Variants in PLEKHA7 observed in about 807,000 individuals in gnomAD.
PLEKHA7 encodes pleckstrin homology domain-containing family A member 7.
PLEKHA7 carries 104 observed loss-of-function variants against 170.0 expected under a neutral mutation model. That is an observed-to-expected ratio of 0.61 (90% CI 0.52 to 0.72). The LOEUF (loss-of-function observed/expected upper bound fraction) is 0.72. Ranked by LOEUF, PLEKHA7 falls within the 30% of genes least tolerant of loss-of-function variation. The pLI is 0.00. For synonymous variants in PLEKHA7, 648 were observed against 660.8 expected (o/e 0.98, Z 0.30); for missense variants, 1,615 against 1,671.7 (o/e 0.97, Z 0.59).
At chr11:16,894,236 TCTCA>T (rs1856858624) in intron 3 of PLEKHA7, among the ~76,000 whole-genome samples, 1 of 152,152 alleles carries the variant, frequency 6.6e-6, no homozygotes, top group African/African-American at 2.4e-5. Flanking sequence ...AGGGAGGGGC[TCTCA>T]CTATCTCACT....
intron 17 of PLEKHA7, among the ~76,000 whole-genome samples, chr11:16,796,711 C>T (rs1848255032): frequency 6.6e-6 from 1 of 152,154 alleles, no homozygotes; most frequent in Non-Finnish European, 1.5e-5. Flanking sequence ...GGTTGAAGTG[C>T]AGTGGTATGA....
In PLEKHA7 at chr11:16,826,457, C is replaced by T. The variant is rs763048339; in HGVS notation, c.1006G>A (p.Glu336Lys). 9.3e-6 allele frequency: 15 copies of T among 1,614,212 alleles called. No homozygotes were observed. Among genetic ancestry groups the T allele is most frequent in the East Asian group, 8.9e-5 (4 of 44,882 alleles). Residue 336 changes from glutamate to lysine, a missense_variant, in exon 10 of 27, where the codon GAG becomes AAG. Coordinates refer to ENST00000531066, the MANE Select transcript of PLEKHA7 (RefSeq NM_001329630.2). ...TGCTCTCCCTCCTGCTCCTGCCTCT[C>T]GAAGTTGACAATGTCATCATGGCCA... ...HRGHDDIVNF[E>K]RQEQEGEQYR...
At chr11:16,945,665 A>AG (rs1454929452) in intron 3 of PLEKHA7, among the ~76,000 whole-genome samples, 2 of 152,246 alleles carry the variant, frequency 1.3e-5, no homozygotes, top group African/African-American at 4.8e-5. Flanking sequence ...ACTTTGATCC[A>AG]GGAATATCTG....
At chr11:16,896,073 G>A (rs940787990) in intron 3 of PLEKHA7, among the ~76,000 whole-genome samples, 1 of 152,158 alleles carries the variant, frequency 6.6e-6, no homozygotes. Context: ...CCCCAGGAAA[G>A]CTCCTGCCCT....
chr11:16,978,722 A>G (rs1449278267), intron 3 of PLEKHA7, among the ~76,000 whole-genome samples: 3 of 152,196 alleles, frequency 2.0e-5, no homozygotes, highest in Non-Finnish European at 4.4e-5. Context: ...CAACTTGTCT[A>G]CTTACTACCC....
At chr11:16,996,231 G>C (rs1421674006) in intron 3 of PLEKHA7, among the ~76,000 whole-genome samples, 1 of 152,220 alleles carries the variant, frequency 6.6e-6, no homozygotes, top group Non-Finnish European at 1.5e-5. Flanking sequence ...ACCTGGCAGA[G>C]TTCCATAGCC....
At chr11:16,994,478 G>A (rs1864224501) in intron 3 of PLEKHA7, among the ~76,000 whole-genome samples, 1 of 152,124 alleles carries the variant, frequency 6.6e-6, no homozygotes, top group Non-Finnish European at 1.5e-5. Context: ...TCTCACTGGT[G>A]CCAACCTATG....
chr11:16,863,672 A>C (rs1854158612), intron 4 of PLEKHA7, among the ~76,000 whole-genome samples: 1 of 152,106 alleles, frequency 6.6e-6, no homozygotes. Context: ...GGCATTCGTC[A>C]GTGGCTCCCT....
intron 3 of PLEKHA7, among the ~76,000 whole-genome samples, chr11:16,897,249 G>C (rs10766356): frequency 6.6e-6 from 1 of 151,852 alleles, no homozygotes; most frequent in Non-Finnish European, 1.5e-5. Flanking sequence ...GTTCTTTGTC[G>C]TAATACCACT....
chr11:16,870,547 T>C (rs1339389789), intron 4 of PLEKHA7, among the ~76,000 whole-genome samples: 2 of 151,218 alleles, frequency 1.3e-5, no homozygotes, highest in Non-Finnish European at 2.9e-5. Flanking sequence ...GAGGACTGCT[T>C]GAGCCCAGGG....
At chr11:16,838,541 AAT>A (rs1564989763) in intron 9 of PLEKHA7, among the ~76,000 whole-genome samples, 2 of 151,740 alleles carry the variant, frequency 1.3e-5, no homozygotes, top group Non-Finnish European at 2.9e-5. Flanking sequence ...AGTGGAAATA[AAT>A]ATAAAAGATC....
At chr11:16,814,041 T>C (rs1032707277) in intron 12 of PLEKHA7, among the ~76,000 whole-genome samples, 2 of 152,154 alleles carry the variant, frequency 1.3e-5, no homozygotes, top group Non-Finnish European at 2.9e-5. Context: ...CAGGTGGCCT[T>C]TGCTTACAGC....
chr11:16,952,513 C>G (rs1861468214), intron 3 of PLEKHA7, among the ~76,000 whole-genome samples: 1 of 151,970 alleles, frequency 6.6e-6, no homozygotes, highest in African/African-American at 2.4e-5. Context: ...GTCAGAGTTT[C>G]TATCATTTGC....
At chr11:16,878,253 A>G (rs886845110) in intron 3 of PLEKHA7, among the ~76,000 whole-genome samples, 2 of 152,150 alleles carry the variant, frequency 1.3e-5, no homozygotes, top group Non-Finnish European at 2.9e-5. Flanking sequence ...TAGATACTGC[A>G]ACAGCCTCCT....
At chr11:16,782,710 A>C (rs187746730) in intron 26 of PLEKHA7, 44 bp downstream of exon 26, 1 of 1,531,446 alleles carries the variant, frequency 6.5e-7, no homozygotes, top group African/African-American at 1.4e-5. Flanking sequence ...CCACAGGTGC[A>C]GTGGGGCAGG....
chr11:16,916,568 G>T (rs1384368637), intron 3 of PLEKHA7, among the ~76,000 whole-genome samples: 1 of 152,168 alleles, frequency 6.6e-6, no homozygotes, highest in Non-Finnish European at 1.5e-5. Context: ...AAAAAGCCAC[G>T]GCAGTGCCTG....
In PLEKHA7 at chr11:16,924,754, G is replaced by A. The variant is rs1469628961; in HGVS notation, c.222-53572C>T. Among the ~76,000 whole-genome samples, 6 of 152,168 alleles carry A rather than the reference G, an allele frequency of 3.9e-5. No individual in the cohort carries two copies. The South Asian group carries it at 1.0e-3, about 26-fold the overall frequency. ...TGCCTTGCCAAAGCCAAAAAAGAAA[G>A]GGGGAGGCCTGCAACCCACCAATCT... On this transcript the variant is annotated intron_variant, in intron 3 of 26. Transcript: ENST00000531066.
rs377448992 is a variant in PLEKHA7, at chr11:16,826,613, A to G, written c.873-23T>C. The G allele has an allele frequency of 5.0e-6, 8 of 1,590,446 alleles. No individual in the cohort carries two copies. In the African/African-American group the frequency reaches 8.0e-5, roughly 16 times the overall value. On this transcript the variant is annotated intron_variant, in intron 9 of 26. Coordinates refer to ENST00000531066, the MANE Select transcript of PLEKHA7 (RefSeq NM_001329630.2). ...TCCCTGCAATGACAGCAGCACATTC[A>G]GTTTGCTCCACAGCCAAGACTCCAT...
intron 3 of PLEKHA7, among the ~76,000 whole-genome samples, chr11:16,968,312 C>T (rs1476602284): frequency 1.3e-5 from 2 of 152,216 alleles, no homozygotes; most frequent in South Asian, 2.1e-4. Flanking sequence ...GACTCATGCA[C>T]AGCACACACG....
Sources: gnomAD v4.1 joint callset for allele counts (sites outside exome capture counted in the v4.1 genomes callset) on GRCh38, gnomAD v4.1.1 for gene constraint, MANE v1.5 for transcripts, NCBI Gene and HGNC (gene_info 2026-07-23, HGNC 2026-07-21) for gene names.